Variants in FHOD1 observed in about 807,000 individuals in gnomAD.
The protein encoded by FHOD1 is FH1/FH2 domain-containing protein 1.
A neutral mutation model predicts 111.6 loss-of-function variants in FHOD1; 89 were observed. The observed-to-expected ratio is 0.80, with a 90% CI of 0.67 to 0.95. The LOEUF is 0.95. FHOD1 is among the 40% of genes least tolerant of loss of function. FHOD1 has a pLI of 0.00. For missense variants in FHOD1, 1,446 were observed against 1,554.2 expected (o/e 0.93, Z 1.17); for synonymous variants, 618 against 639.0 (o/e 0.97, Z 0.50).
rs769436366 is a variant in FHOD1, at chr16:67,231,159, G to A, written c.2667+29C>T. 360 of 1,611,964 alleles carry A rather than the reference G, an allele frequency of 2.2e-4. 1 individual carries two copies. Among genetic ancestry groups the A allele is most frequent in the Non-Finnish European group, 2.9e-4 (341 of 1,178,786 alleles). On this transcript the variant is annotated intron_variant, in intron 17 of 21. Coordinates refer to ENST00000258201, the MANE Select transcript of FHOD1 (RefSeq NM_013241.3). The surrounding 1 kb of genome is among the most constrained non-coding windows in gnomAD (Gnocchi z 4.3). The stretch of plus-strand genomic sequence containing the variant: ...AAGCAGCGCTCCTCATGCCTTGTCC[G>A]GCCTTGGTTGATTCTGGCAGGTGCT...
rs1308037833 is a variant in FHOD1, at chr16:67,234,179, C to T, written c.1524G>A (p.Gln508=). ...SPAPCVLLRA[Q]RSLAPEPKEP... ...CCTTGGGCTCTGGTGCAAGGCTTCG[C>T]TGGGCCCGGAGCAGGACACAGGGGG... Residue 508 remains glutamine (Q), a synonymous_variant, in exon 13 of 22, where the codon CAG becomes CAA. Coordinates refer to ENST00000258201, the MANE Select transcript of FHOD1 (RefSeq NM_013241.3). 3.9e-6 allele frequency: 6 copies of T among 1,552,172 alleles called. No homozygotes were observed. The highest frequency in any genetic ancestry group is 1.2e-5 in the South Asian group (1 of 80,798).
Position 67,237,315 on chromosome 16 carries a change from A to G in FHOD1, c.917T>C (p.Met306Thr), listed in dbSNP as rs2034525309. Reference sequence around the variant, plus strand: ...CAGGTGGCGCTGGACCAGCGCTTCCATGCCCTGCTGCTCCAGTGCATCCGT... The same window carrying G: ...CAGGTGGCGCTGGACCAGCGCTTCCGTGCCCTGCTGCTCCAGTGCATCCGT... ...DVTDALEQQGMEALVQRHLGT... is the reference protein window; with the variant it reads ...DVTDALEQQGTEALVQRHLGT... The change falls in exon 9 of 22, where the codon ATG becomes ACG. Residue 306 changes from methionine to threonine, a missense_variant. Coordinates refer to ENST00000258201, the MANE Select transcript of FHOD1 (RefSeq NM_013241.3). The surrounding 1 kb of genome is among the most constrained non-coding windows in gnomAD (Gnocchi z 5.6). 2 of 1,614,084 alleles carry G rather than the reference A, an allele frequency of 1.2e-6. No homozygotes were observed. The highest frequency in any genetic ancestry group is 1.7e-6 in the Non-Finnish European group (2 of 1,180,036).
intron 17 of FHOD1, 105 bp from the exon 18 acceptor site, chr16:67,230,896 A>C: frequency 3.3e-6 from 4 of 1,223,292 alleles, no homozygotes; most frequent in South Asian, 1.5e-5. Context: ...CCCTAAGGAC[A>C]CAGACATCCA....
chr16:67,247,412 GCT>G lies in FHOD1; in HGVS notation c.-4_-3del, dbSNP rs780007945. The G allele has an allele frequency of 5.0e-6, 8 of 1,612,058 alleles. No homozygotes were observed. On this transcript the variant is annotated 5_prime_UTR_variant, in exon 1 of 22. Transcript: ENST00000258201. ...CCCGCGGTCTTCCCCGCCCGCCATG[GCT>G]CTGCGGCCGGCTCACGCAGCGCGCC...
intron 1 of FHOD1, chr16:67,246,929 G>A (rs2142314873): frequency 8.7e-6 from 4 of 458,924 alleles, no homozygotes; most frequent in Non-Finnish European, 1.5e-5. Context: ...CACCCTGGCA[G>A]ACCGACGGCG....
rs1271294792 is a variant in FHOD1, at chr16:67,237,175, G to C, written c.994-61C>G. The C allele has an allele frequency of 6.2e-7, 1 of 1,602,088 alleles. No individual in the cohort carries two copies. The highest frequency in any genetic ancestry group is 1.3e-5 in the African/African-American group (1 of 74,678). ...AACGTGTATGCAGGTGGGGTGGGGC[G>C]CTGGGGACTGCGCTTCTCTCTTCCC... On this transcript the variant is annotated intron_variant, in intron 9 of 21. Coordinates refer to ENST00000258201, the MANE Select transcript of FHOD1 (RefSeq NM_013241.3). This position sits in a 1 kb window ranked among gnomAD's most constrained non-coding sequence, Gnocchi z 5.6.
In FHOD1 at chr16:67,229,621, C is replaced by G. The variant is rs766020302; in HGVS notation, c.*15G>C. 1.9e-6 allele frequency: 3 copies of G among 1,612,058 alleles called. No homozygotes were observed. Among genetic ancestry groups the G allele is most frequent in the Non-Finnish European group, 2.5e-6 (3 of 1,178,150 alleles). On this transcript the variant is annotated 3_prime_UTR_variant, in exon 22 of 22. Transcript: ENST00000258201. ...GCAGTCCAGGGTCCAGATAGATTTC[C>G]GGGATACAGCACCTTCACACCTCCA...
chr16:67,232,731 G>A (rs1465175075), intron 13 of FHOD1, among the ~76,000 whole-genome samples: 1 of 151,812 alleles, frequency 6.6e-6, no homozygotes. Flanking sequence ...TGCCATCATC[G>A]CCCACTGCAG....
In FHOD1 at chr16:67,231,415, T is replaced by C; in HGVS notation, c.2505+15A>G. Reference sequence around the variant, plus strand: ...GAACCCTGACTCCCCCTAGTCCCCATGTACTCTCACTCACCTGGGAGCCAT... The same window carrying C: ...GAACCCTGACTCCCCCTAGTCCCCACGTACTCTCACTCACCTGGGAGCCAT... On this transcript the variant is annotated intron_variant, in intron 16 of 21. Transcript: ENST00000258201. The surrounding 1 kb of genome is among the most constrained non-coding windows in gnomAD (Gnocchi z 4.3). The C allele has an allele frequency of 2.6e-6, 4 of 1,509,808 alleles. No homozygotes were observed. Among genetic ancestry groups the C allele is most frequent in the Non-Finnish European group, 3.6e-6 (4 of 1,109,420 alleles). 93.5% of individuals were successfully genotyped at this position (1,509,808 alleles called of 1,614,324 possible).
At chr16:67,234,572 C>G in intron 11 of FHOD1, 100 bp from the exon 12 acceptor site, 2 of 972,570 alleles carry the variant, frequency 2.1e-6, no homozygotes, top group Non-Finnish European at 3.1e-6. Context: ...TGCAGGCACG[C>G]ACAGACACAC....
At chr16:67,236,072 G>C in intron 11 of FHOD1, 2 of 970,980 alleles carry the variant, frequency 2.1e-6, no homozygotes, top group Non-Finnish European at 2.4e-6. Flanking sequence ...CAGGGGCCCT[G>C]GGTAGGGGGG....
chr16:67,244,513 C>T (rs1301432414), intron 1 of FHOD1, among the ~76,000 whole-genome samples: 1 of 152,120 alleles, frequency 6.6e-6, no homozygotes, highest in Non-Finnish European at 1.5e-5. Flanking sequence ...TGGCCAGGAG[C>T]TTCCTCCTAG....
rs772248000 is a variant in FHOD1 at position 67,237,611 on chromosome 16, G to A, written c.755-42C>T. 8.7e-6 allele frequency: 14 copies of A among 1,613,328 alleles called. No homozygotes were observed. Among genetic ancestry groups the A allele is most frequent in the Non-Finnish European group, 1.2e-5 (14 of 1,179,236 alleles). On this transcript the variant is annotated intron_variant, in intron 7 of 21. Coordinates refer to ENST00000258201, the MANE Select transcript of FHOD1 (RefSeq NM_013241.3). This position sits in a 1 kb window ranked among gnomAD's most constrained non-coding sequence, Gnocchi z 5.6. Reference sequence around the variant, plus strand: ...GGAGCAGTCATGGGGGAACAGGTAGGAGAGAGGGCTCTGAGCGGTGGGGGG... The same window carrying A: ...GGAGCAGTCATGGGGGAACAGGTAGAAGAGAGGGCTCTGAGCGGTGGGGGG...
At chr16:67,246,211 G>A (rs2034821641) in intron 1 of FHOD1, among the ~76,000 whole-genome samples, 1 of 152,192 alleles carries the variant, frequency 6.6e-6, no homozygotes, top group East Asian at 1.9e-4. Context: ...AGGCCCAAGG[G>A]GCAAGTTTAC....
Position 67,236,600 on chromosome 16 carries a change from C to T in FHOD1, c.1276G>A (p.Val426Met), listed in dbSNP as rs1460613314. The T allele has an allele frequency of 1.2e-6, 2 of 1,613,578 alleles. No homozygotes were observed. Among genetic ancestry groups the T allele is most frequent in the Non-Finnish European group, 1.7e-6 (2 of 1,179,912 alleles). Residue 426 changes from valine to methionine, a missense_variant, in exon 11 of 22, where the codon GTG (valine) becomes ATG (methionine). Physicochemically the swap from Val to Met is conservative, Grantham distance 21. Around this residue, in one of 3 missense-constraint regions of FHOD1, gnomAD observed 1,085 missense variants for 1,108.8 expected, o/e 0.98. Transcript: ENST00000258201. ...CTGGAGGTGTCAGCTGAGGGTGCCA[C>T]AGAGATGGTAGGAAAAAGGTTCACT... ...ASVNLFPTIS[V>M]APSADTSSER...
At chr16:67,245,005 T>G (rs777854348) in intron 1 of FHOD1, among the ~76,000 whole-genome samples, 37 of 152,202 alleles carry the variant, frequency 2.4e-4, no homozygotes, top group Non-Finnish European at 2.5e-4. Context: ...AGCTCTCTGA[T>G]GTCCCTGTCT....
At position 67,238,881 on chromosome 16, in the gene FHOD1, A is replaced by C. The variant is rs557862914; in HGVS notation, c.373+22T>G. 6 of 1,613,560 alleles carry C rather than the reference A, an allele frequency of 3.7e-6. No homozygotes were observed. Among genetic ancestry groups the C allele is most frequent in the South Asian group, 1.1e-5 (1 of 91,072 alleles). ...CTATGGGGAGGAGGTGCTGCTGGAC[A>C]TGGATGCTCTCACACACTCACCCAA... is the stretch of plus-strand genomic sequence containing the variant. On this transcript the variant is annotated intron_variant, in intron 3 of 21. Coordinates refer to ENST00000258201, the MANE Select transcript of FHOD1 (RefSeq NM_013241.3). The surrounding 1 kb of genome is among the most constrained non-coding windows in gnomAD (Gnocchi z 4.2).
chr16:67,230,580 C>T (rs1177892881), intron 18 of FHOD1, 21 bp downstream of exon 18: 4 of 1,613,776 alleles, frequency 2.5e-6, no homozygotes, highest in African/African-American at 1.3e-5. Context: ...CGTCCTGCCT[C>T]TCTTGGGTCC....
Position 67,229,677 on chromosome 16 carries a change from G to A in FHOD1, c.3454C>T (p.Gln1152Ter). ...LKSGLGDDLV[Q>*]ALGLSKGPGL... ...GGACCCTTGCTTAGTCCCAGTGCCT[G>A]CACCAGGTCATCTCCGAGCCCACTC... is the stretch of plus-strand genomic sequence containing the variant. The change falls in exon 22 of 22, where the codon CAG (glutamine) becomes TAG (stop). Residue 1152 changes from glutamine to a stop codon, truncating the protein, a stop_gained. Coordinates refer to ENST00000258201, the MANE Select transcript of FHOD1 (RefSeq NM_013241.3). LOFTEE classifies it high-confidence loss of function. The A allele has an allele frequency of 6.2e-7, 1 of 1,614,214 alleles. No individual in the cohort carries two copies. The highest frequency in any genetic ancestry group is 8.5e-7 in the Non-Finnish European group (1 of 1,180,036).
Sources: allele counts gnomAD v4.1 joint callset (sites outside exome capture counted in the v4.1 genomes callset), GRCh38; gene constraint gnomAD v4.1.1; regional missense constraint gnomAD v4.1.1; non-coding constraint Gnocchi (gnomAD v3.1); transcripts MANE v1.5; gene names NCBI Gene and HGNC (gene_info 2026-07-23, HGNC 2026-07-21).